CDKAL1: variants seen among roughly 807,000 people sequenced by gnomAD.
The protein encoded by CDKAL1 is CDKAL1 threonylcarbamoyladenosine tRNA methylthiotransferase.
CDKAL1 carries 32 observed loss-of-function variants against 68.2 expected under a neutral mutation model. The ratio of observed to expected loss-of-function variants is 0.47; its 90% CI spans 0.35 to 0.63. The LOEUF (loss-of-function observed/expected upper bound fraction) is 0.63. Among genes scored for constraint, CDKAL1 ranks in the 30% least tolerant of loss-of-function variants. The pLI is 0.00. For missense variants in CDKAL1, 606 were observed against 696.7 expected (o/e 0.87, Z 1.47); for synonymous variants, 234 against 244.3 (o/e 0.96, Z 0.39).
chr6:21,046,253 G>A lies in CDKAL1; in HGVS notation c.1056-18795G>A, dbSNP rs778667719. 6.6e-5 allele frequency among the ~76,000 whole-genome samples: 10 copies of A among 152,262 alleles called. No individual in the cohort carries two copies. In the South Asian group the frequency reaches 8.3e-4, roughly 13 times the overall value. ...TGACTAATGTTATTTCCTTCCCTCCGTGACTTTGGGGATGGTTGCAGTGTC... is the reference window on the plus strand; with the variant it reads ...TGACTAATGTTATTTCCTTCCCTCCATGACTTTGGGGATGGTTGCAGTGTC... On this transcript the variant is annotated intron_variant, in intron 11 of 15. Coordinates refer to ENST00000274695, the MANE Select transcript of CDKAL1 (RefSeq NM_017774.3).
Position 20,539,358 on chromosome 6 carries a change from G to A in CDKAL1, c.-6+3964G>A, listed in dbSNP as rs1180848870. ...GGATAAAACAGTGAACACCTCACAC[G>A]AAAACCTTTACCCTCACGAAGTATG... On this transcript the variant is annotated intron_variant, in intron 2 of 15. Transcript: ENST00000274695. This position sits in a 1 kb window ranked among gnomAD's most constrained non-coding sequence, Gnocchi z 4.3. Among the ~76,000 whole-genome samples the A allele has an allele frequency of 6.6e-6, 1 of 152,152 alleles. No individual in the cohort carries two copies. Among genetic ancestry groups the A allele is most frequent in the Non-Finnish European group, 1.5e-5 (1 of 68,032 alleles).
chr6:20,912,999 A>C (rs933796895), intron 9 of CDKAL1, among the ~76,000 whole-genome samples: 11 of 151,920 alleles, frequency 7.2e-5, no homozygotes, highest in Non-Finnish European at 1.5e-4. Context: ...ATAATGGCAA[A>C]AAAAAAAGAA....
chr6:20,789,608 C>G (rs1340082722), intron 8 of CDKAL1, among the ~76,000 whole-genome samples: 1 of 152,164 alleles, frequency 6.6e-6, no homozygotes, highest in Admixed American at 6.5e-5. Context: ...TTGTAGGATT[C>G]TATTGCCCTT....
At chr6:21,178,592 T>C (rs150070556) in intron 13 of CDKAL1, among the ~76,000 whole-genome samples, 1 of 152,306 alleles carries the variant, frequency 6.6e-6, no homozygotes, top group East Asian at 1.9e-4. Context: ...GTGATCTTGT[T>C]AAAAGTCATT....
intron 11 of CDKAL1, among the ~76,000 whole-genome samples, chr6:21,005,705 C>T (rs925465594): frequency 5.9e-5 from 9 of 152,136 alleles, no homozygotes; most frequent in Non-Finnish European, 1.2e-4. Flanking sequence ...ATTATCATTT[C>T]TTAAGGTACT....
At chr6:20,563,632 C>T (rs1340642812) in intron 4 of CDKAL1, among the ~76,000 whole-genome samples, 1 of 151,690 alleles carries the variant, frequency 6.6e-6, no homozygotes, top group Non-Finnish European at 1.5e-5. Flanking sequence ...CAGGCATGAG[C>T]CACCACACCT....
chr6:20,649,216 C>T lies in CDKAL1; in HGVS notation c.287-77C>T, dbSNP rs998927658. On this transcript the variant is annotated intron_variant, in intron 4 of 15. Transcript: ENST00000274695. The stretch of plus-strand genomic sequence containing the variant: ...ACTGTTTTTCTCTCCCCTACCGCAG[C>T]AATCCCAGTGCCACTGGATATTTTT... 8 of 936,978 alleles carry T rather than the reference C, an allele frequency of 8.5e-6. No individual in the cohort carries two copies. The African/African-American group carries it at 1.0e-4, about 12-fold the overall frequency. The allele number at this position is 936,978 out of a possible 1,614,324, so 58.0% of individuals were successfully genotyped here.
chr6:20,611,913 T>A (rs973511738), intron 4 of CDKAL1, among the ~76,000 whole-genome samples: 1 of 152,210 alleles, frequency 6.6e-6, no homozygotes, highest in African/African-American at 2.4e-5. Flanking sequence ...CCTTGGCACA[T>A]CCCCTTCCCA....
At chr6:20,627,354 T>C (rs1241656140) in intron 4 of CDKAL1, among the ~76,000 whole-genome samples, 1 of 152,176 alleles carries the variant, frequency 6.6e-6, no homozygotes, top group Admixed American at 6.5e-5. Context: ...GGTCCACAAA[T>C]ATACCATACT....
At chr6:21,205,830 C>CTT (rs34849597) in intron 15 of CDKAL1, among the ~76,000 whole-genome samples, 9,234 of 66,590 alleles carry the variant, frequency 0.14, 2,037 homozygotes, top group African/African-American at 0.28. Flanking sequence ...CGCGCCCAGC[C>CTT]TTTTTTTTTT....
chr6:21,191,190 T>C (rs1402234097), intron 13 of CDKAL1, among the ~76,000 whole-genome samples: 1 of 152,242 alleles, frequency 6.6e-6, no homozygotes, highest in Non-Finnish European at 1.5e-5. Flanking sequence ...TTATATAGCC[T>C]TGTAGAATAT....
At chr6:20,847,594 A>C (rs946472035) in intron 9 of CDKAL1, among the ~76,000 whole-genome samples, 1 of 152,204 alleles carries the variant, frequency 6.6e-6, no homozygotes, top group Non-Finnish European at 1.5e-5. Flanking sequence ...CGTTTTTGAA[A>C]AATGTAAAGC....
intron 5 of CDKAL1, among the ~76,000 whole-genome samples, chr6:20,690,434 C>T (rs1042256125): frequency 2.6e-5 from 4 of 152,040 alleles, no homozygotes; most frequent in Admixed American, 6.6e-5. Context: ...GAGCATTTTA[C>T]GAACTCCAGA....
intron 8 of CDKAL1, among the ~76,000 whole-genome samples, chr6:20,790,246 C>T (rs10806923): frequency 0.19 from 28,902 of 151,964 alleles, 3,058 homozygotes; most frequent in Middle Eastern, 0.28. Flanking sequence ...CATTGTATGA[C>T]GGATTGTTTA....
At chr6:20,730,732 C>G (rs112967771) in intron 5 of CDKAL1, among the ~76,000 whole-genome samples, 8,601 of 151,440 alleles carry the variant, frequency 0.057, 356 homozygotes, top group African/African-American at 0.11. Flanking sequence ...GTAATCCCAG[C>G]TACTCGGGAG....
At chr6:20,639,140 G>A (rs1768045315) in intron 4 of CDKAL1, among the ~76,000 whole-genome samples, 2 of 152,222 alleles carry the variant, frequency 1.3e-5, no homozygotes, top group East Asian at 3.9e-4. Context: ...TACTGGTAGA[G>A]CTTTGCCAGC....
rs570863852 is a variant in CDKAL1 at position 20,563,830 on chromosome 6, C to T, written c.286+15125C>T. On this transcript the variant is annotated intron_variant, in intron 4 of 15. Transcript: ENST00000274695. Reference sequence around the variant, plus strand: ...ACAAAAAATACTAAAAGCAATCAAACGATTTTTACAGAATCTTAACTAATA... The same window carrying T: ...ACAAAAAATACTAAAAGCAATCAAATGATTTTTACAGAATCTTAACTAATA... Among the ~76,000 whole-genome samples the T allele has an allele frequency of 1.6e-4, 24 of 152,188 alleles. No homozygotes were observed. In the South Asian group the frequency reaches 3.1e-3, roughly 20 times the overall value.
At chr6:21,211,972 G>A (rs1779166519) in intron 15 of CDKAL1, among the ~76,000 whole-genome samples, 1 of 151,888 alleles carries the variant, frequency 6.6e-6, no homozygotes, top group African/African-American at 2.4e-5. Flanking sequence ...TGTTACCCAG[G>A]CTGGTCTCAA....
At chr6:20,907,178 A>G (rs1263489776) in intron 9 of CDKAL1, among the ~76,000 whole-genome samples, 1 of 152,186 alleles carries the variant, frequency 6.6e-6, no homozygotes, top group Non-Finnish European at 1.5e-5. Context: ...AACAATATGA[A>G]TCATTCAATA....
Sources: gnomAD v4.1 joint callset for allele counts (sites outside exome capture counted in the v4.1 genomes callset) on GRCh38, gnomAD v4.1.1 for gene constraint, Gnocchi (gnomAD v3.1) non-coding constraint, MANE v1.5 for transcripts, NCBI Gene and HGNC (gene_info 2026-07-23, HGNC 2026-07-21) for gene names.